Variants in TRERF1 observed in about 807,000 individuals in gnomAD.
TRERF1 encodes transcriptional regulating factor 1.
TRERF1 carries 27 observed loss-of-function variants against 122.9 expected under a neutral mutation model. The ratio of observed to expected loss-of-function variants is 0.22; its 90% CI spans 0.16 to 0.30. The LOEUF is 0.30. Ranked by LOEUF, TRERF1 falls within the 10% of genes least tolerant of loss-of-function variation. The pLI is 1.00. For missense variants in TRERF1, 1,248 were observed against 1,560.3 expected (o/e 0.80, Z 3.37); for synonymous variants, 636 against 641.7 (o/e 0.99, Z 0.13).
chr6:42,348,522 G>A (rs1445481026), intron 3 of TRERF1, among the ~76,000 whole-genome samples: 1 of 152,010 alleles, frequency 6.6e-6, no homozygotes, highest in Admixed American at 6.6e-5. Context: ...CAAAGTGCTG[G>A]GATTACAGGC....
chr6:42,228,359 C>T lies in TRERF1; in HGVS notation c.3589G>A (p.Asp1197Asn). The T allele has an allele frequency of 1.9e-6, 3 of 1,612,456 alleles. No homozygotes were observed. Among genetic ancestry groups the T allele is most frequent in the Non-Finnish European group, 2.5e-6 (3 of 1,178,876 alleles). Residue 1197 changes from aspartate (D) to asparagine (N), a missense_variant, in exon 18 of 18, where the codon GAC (aspartate) becomes AAC (asparagine). Physicochemically the swap from Asp to Asn is conservative, Grantham distance 23. Around this residue, in one of 5 missense-constraint regions of TRERF1, gnomAD observed 84 missense variants for 116.0 expected, o/e 0.72. Coordinates refer to ENST00000372922, the Ensembl canonical transcript of TRERF1. The surrounding 1 kb of genome is among the most constrained non-coding windows in gnomAD (Gnocchi z 4.2). ...CACACAGGGCTTTATAGTTCTGCGTCACCCTGAAGCAAGACTGAATCTTGA... is the reference window on the plus strand; with the variant it reads ...CACACAGGGCTTTATAGTTCTGCGTTACCCTGAAGCAAGACTGAATCTTGA...
chr6:42,379,518 T>C (rs968653391), intron 2 of TRERF1, among the ~76,000 whole-genome samples: 23 of 152,116 alleles, frequency 1.5e-4, no homozygotes, highest in African/African-American at 5.6e-4. Flanking sequence ...GCACTTACTA[T>C]ATGTCAGGCA....
At chr6:42,331,638 G>A (rs1188182184) in intron 3 of TRERF1, among the ~76,000 whole-genome samples, 1 of 152,178 alleles carries the variant, frequency 6.6e-6, no homozygotes, top group East Asian at 1.9e-4. Flanking sequence ...GCGGGGAAGA[G>A]GCTGGGATTC....
chr6:42,257,015 T>C lies in TRERF1; in HGVS notation c.2424A>G (p.Thr808=), dbSNP rs777997560. The change falls in exon 11 of 18, where the codon ACA becomes ACG. Residue 808 remains threonine, a synonymous_variant. Transcript: ENST00000372922. ...GTTCTGGCCAGGGCTTCCATACCAG[T>C]GTGGCCTTGTGTGTGTCCTGGGCCA... 4 of 1,614,234 alleles carry C rather than the reference T, an allele frequency of 2.5e-6. No individual in the cohort carries two copies. The South Asian group carries it at 3.3e-5, about 13-fold the overall frequency.
At chr6:42,225,566 A>G (rs182434956) in exon 18 of TRERF1, 56 of 152,122 alleles carry the variant, frequency 3.7e-4, no homozygotes, top group African/African-American at 1.3e-3. Context: ...AGTTAAGCAC[A>G]CTAGATATTA....
At chr6:42,414,698 C>T (rs1781581728) in intron 2 of TRERF1, among the ~76,000 whole-genome samples, 1 of 152,220 alleles carries the variant, frequency 6.6e-6, no homozygotes, top group South Asian at 2.1e-4. Flanking sequence ...TATTCAGCCA[C>T]ATTATGTGCA....
intron 2 of TRERF1, among the ~76,000 whole-genome samples, chr6:42,372,640 A>G (rs1773971546): frequency 6.6e-6 from 1 of 152,232 alleles, no homozygotes; most frequent in Non-Finnish European, 1.5e-5. Context: ...GCGCACACTC[A>G]AAACAGCCAG....
chr6:42,388,343 A>G (rs1777161490), intron 2 of TRERF1, among the ~76,000 whole-genome samples: 1 of 152,020 alleles, frequency 6.6e-6, no homozygotes, highest in African/African-American at 2.4e-5. Flanking sequence ...TTACACAGGT[A>G]GATGGTGCCC....
intron 3 of TRERF1, among the ~76,000 whole-genome samples, chr6:42,347,924 C>T (rs977740036): frequency 6.6e-6 from 1 of 152,174 alleles, no homozygotes; most frequent in African/African-American, 2.4e-5. Flanking sequence ...GCAGGAAGAA[C>T]ATAACAGGTA....
At chr6:42,356,516 T>C (rs1252163773) in intron 3 of TRERF1, among the ~76,000 whole-genome samples, 1 of 152,246 alleles carries the variant, frequency 6.6e-6, no homozygotes, top group Admixed American at 6.5e-5. Context: ...AAAACTTACC[T>C]TGCTGAGCAC....
At chr6:42,421,161 GA>G (rs1782707873) in intron 2 of TRERF1, among the ~76,000 whole-genome samples, 2 of 152,172 alleles carry the variant, frequency 1.3e-5, no homozygotes, top group South Asian at 4.1e-4. Context: ...GGGTCGTTGT[GA>G]GATTTCAATG....
chr6:42,229,725 A>G (rs36036867), intron 17 of TRERF1, among the ~76,000 whole-genome samples: 1 of 152,184 alleles, frequency 6.6e-6, no homozygotes, highest in East Asian at 1.9e-4. Flanking sequence ...CTCTTCGCCA[A>G]GCAAGGAATT....
chr6:42,451,902 C>G (rs1257498833), intron 1 of TRERF1: 4 of 152,706 alleles, frequency 2.6e-5, no homozygotes, highest in African/African-American at 4.8e-5. Context: ...CATGCACCGC[C>G]TCTCAGCCAT....
chr6:42,379,260 T>G (rs894850117), intron 2 of TRERF1, among the ~76,000 whole-genome samples: 7 of 152,074 alleles, frequency 4.6e-5, no homozygotes, highest in African/African-American at 1.7e-4. Flanking sequence ...CCACGCAGGA[T>G]GAATGGAGCT....
At chr6:42,390,939 G>C (rs898132772) in intron 2 of TRERF1, among the ~76,000 whole-genome samples, 1 of 152,162 alleles carries the variant, frequency 6.6e-6, no homozygotes, top group African/African-American at 2.4e-5. Context: ...TGCACTCCAG[G>C]GAGGGATCAC....
intron 13 of TRERF1, among the ~76,000 whole-genome samples, chr6:42,253,844 C>T (rs2149710577): frequency 6.6e-6 from 1 of 152,320 alleles, no homozygotes; most frequent in South Asian, 2.1e-4. Context: ...GATTGGAAAA[C>T]GTATAGCTAG....
At chr6:42,243,254 A>ATCG in exon 15 of TRERF1, 1 of 1,613,694 alleles carries the variant, frequency 6.2e-7, no homozygotes, top group Non-Finnish European at 8.5e-7. Flanking sequence ...TCACCACACA[A>ATCG]TCGTCGATGA....
chr6:42,361,302 T>C (rs1352279888), intron 3 of TRERF1, among the ~76,000 whole-genome samples: 2 of 152,244 alleles, frequency 1.3e-5, no homozygotes, highest in Non-Finnish European at 2.9e-5. Flanking sequence ...ATATGATTTG[T>C]TGGTGGTTAT....
At chr6:42,301,739 C>T (rs924600685) in intron 3 of TRERF1, among the ~76,000 whole-genome samples, 1 of 152,126 alleles carries the variant, frequency 6.6e-6, no homozygotes, top group Non-Finnish European at 1.5e-5. Flanking sequence ...TCTCATGGAC[C>T]GCTAAAGAGT....
Sources: allele counts gnomAD v4.1 joint callset (sites outside exome capture counted in the v4.1 genomes callset), GRCh38; gene constraint gnomAD v4.1.1; regional missense constraint gnomAD v4.1.1; non-coding constraint Gnocchi (gnomAD v3.1); transcripts MANE v1.5; gene names NCBI Gene and HGNC (gene_info 2026-07-23, HGNC 2026-07-21).